THBS3: variants seen among roughly 807,000 people sequenced by gnomAD.
The protein encoded by THBS3 is thrombospondin 3.
THBS3 carries 78 observed loss-of-function variants against 118.3 expected under a neutral mutation model. The ratio of observed to expected loss-of-function variants is 0.66; its 90% CI spans 0.55 to 0.80. THBS3 has a LOEUF of 0.80. Ranked by LOEUF, THBS3 falls within the 30% of genes least tolerant of loss-of-function variation. The pLI, the probability that THBS3 is intolerant of heterozygous loss-of-function variation, is 0.00. For missense variants in THBS3, 1,057 were observed against 1,247.4 expected, an observed-to-expected ratio of 0.85 and a Z score of 2.30; for synonymous variants, 427 against 475.3, an observed-to-expected ratio of 0.90 and a Z score of 1.32.
rs779616472 is a variant in THBS3 at position 155,197,876 on chromosome 1, A to G, written c.2302+4T>C. The G allele has an allele frequency of 1.9e-6, 3 of 1,614,120 alleles. No homozygotes were observed. Among genetic ancestry groups the G allele is most frequent in the Non-Finnish European group, 8.5e-7 (1 of 1,180,020 alleles). On this transcript the variant is annotated splice_donor_region_variant and intron_variant, in intron 19 of 22. Coordinates refer to ENST00000368378, the MANE Select transcript of THBS3 (RefSeq NM_007112.5). The surrounding 1 kb of genome is among the most constrained non-coding windows in gnomAD (Gnocchi z 5.0). The stretch of plus-strand genomic sequence containing the variant: ...AGTGATTGAACTGCATATCCCTTAC[A>G]TACCAACTGCCAAGCCAGGGTCACT...
At chr1:155,196,855 GA>G in intron 21 of THBS3, 185 bp downstream of exon 21, 1 of 614,196 alleles carries the variant, frequency 1.6e-6, no homozygotes, top group Non-Finnish European at 2.8e-6. Flanking sequence ...TTACAGACGG[GA>G]AAATGGGTCA....
upstream of THBS3, among the ~76,000 whole-genome samples, chr1:155,208,358 A>T (rs530000619): frequency 6.6e-6 from 1 of 152,302 alleles, no homozygotes; most frequent in South Asian, 2.1e-4. Flanking sequence ...GTTCTGGCGG[A>T]GCAAGTGCTC....
In THBS3 at chr1:155,206,470, G is replaced by T; in HGVS notation, c.80-64C>A. ...CAAATGCTAAGGTATGCCCTCCCCC[G>T]AGCCCACATCACCCCCTACCCCCAC... On this transcript the variant is annotated intron_variant, in intron 1 of 22. Transcript: ENST00000368378. This position sits in a 1 kb window ranked among gnomAD's most constrained non-coding sequence, Gnocchi z 4.2. The T allele has an allele frequency of 7.0e-7, 1 of 1,431,904 alleles. No homozygotes were observed. Among genetic ancestry groups the T allele is most frequent in the Non-Finnish European group, 9.6e-7 (1 of 1,042,106 alleles). The allele number at this position is 1,431,904 out of a possible 1,614,324, so 88.7% of individuals were successfully genotyped here.
In THBS3 at chr1:155,200,002, G is replaced by A; in HGVS notation, c.1820C>T (p.Pro607Leu). The change falls in exon 15 of 23, where the codon CCT becomes CTT. Residue 607 changes from proline (P) to leucine (L), a missense_variant. Transcript: ENST00000368378. ...CTTACCATCTCCCTGTACCTGGGTA[G>A]GATTGCTCATTTCAGGGCAGCTGTC... ...ACDSCPEMSN[P>L]TQTDADSDLV... The A allele has an allele frequency of 6.3e-7, 1 of 1,599,646 alleles. No individual in the cohort carries two copies. Among genetic ancestry groups the A allele is most frequent in the Non-Finnish European group, 8.5e-7 (1 of 1,172,032 alleles).
At position 155,197,781 on chromosome 1, in the gene THBS3, G is replaced by C. The variant is rs1042076241; in HGVS notation, c.2302+99C>G. 1 of 1,592,878 alleles carries C rather than the reference G, an allele frequency of 6.3e-7. No individual in the cohort carries two copies. Among genetic ancestry groups the C allele is most frequent in the African/African-American group, 1.3e-5 (1 of 74,430 alleles). On this transcript the variant is annotated intron_variant, in intron 19 of 22. Coordinates refer to ENST00000368378, the MANE Select transcript of THBS3 (RefSeq NM_007112.5). This position sits in a 1 kb window ranked among gnomAD's most constrained non-coding sequence, Gnocchi z 5.0. Reference sequence around the variant, plus strand: ...AGCTTGTGCCACTGCCTTCTCTCTCGCCACTTTGCCCATTCTCCCTGTCTG... The same window carrying C: ...AGCTTGTGCCACTGCCTTCTCTCTCCCCACTTTGCCCATTCTCCCTGTCTG...
At chr1:155,203,400 C>T (rs1571911292) in intron 5 of THBS3, 95 bp from the exon 6 acceptor site, 1 of 1,585,148 alleles carries the variant, frequency 6.3e-7, no homozygotes, top group African/African-American at 1.3e-5. Flanking sequence ...GCTGCCCACC[C>T]CTGCCTTTAA....
At chr1:155,207,915 C>G, upstream of THBS3, 3 of 1,604,750 alleles carry the variant, frequency 1.9e-6, no homozygotes, top group Non-Finnish European at 2.6e-6. Flanking sequence ...AGGCAGGCAG[C>G]TGGGAGGGGA....
intron 21 of THBS3, 99 bp from the exon 22 acceptor site, chr1:155,196,225 G>A: frequency 1.4e-6 from 2 of 1,383,984 alleles, no homozygotes; most frequent in South Asian, 1.3e-5. Flanking sequence ...AGCCCCCCTT[G>A]AGCTCACCAG....
At chr1:155,198,665 TC>T in intron 16 of THBS3, 63 bp from the exon 17 acceptor site, 1 of 1,528,650 alleles carries the variant, frequency 6.5e-7, no homozygotes, top group Non-Finnish European at 8.9e-7. Flanking sequence ...TCCCTTCGCT[TC>T]TGCCTGGGAG....
At chr1:155,209,137 G>A (rs987304592), upstream of THBS3, 5 of 1,539,742 alleles carry the variant, frequency 3.2e-6, no homozygotes, top group African/African-American at 5.5e-5. Context: ...CCTCCCCGGG[G>A]ATCTCCCCAG....
At chr1:155,199,699 G>A in intron 16 of THBS3, 105 bp downstream of exon 16, 1 of 1,243,104 alleles carries the variant, frequency 8.0e-7, no homozygotes, top group East Asian at 2.3e-5. Flanking sequence ...AGGTTGCAGT[G>A]AGCCAAGATC....
At chr1:155,209,148 G>T, upstream of THBS3, 1 of 1,525,402 alleles carries the variant, frequency 6.6e-7, no homozygotes. Context: ...ATCTCCCCAG[G>T]CCCCCTGACC....
Position 155,197,397 on chromosome 1 carries a change from C to T in THBS3, c.2499+66G>A. 1 of 1,573,468 alleles carries T rather than the reference C, an allele frequency of 6.4e-7. No homozygotes were observed. Among genetic ancestry groups the T allele is most frequent in the Non-Finnish European group, 8.6e-7 (1 of 1,156,282 alleles). ...GTTCCCAGTCAAGCAGTGGGGGAGG[C>T]CCTGGGGCTGCAGAGGAGAGCTTTG... On this transcript the variant is annotated intron_variant, in intron 20 of 22. Coordinates refer to ENST00000368378, the MANE Select transcript of THBS3 (RefSeq NM_007112.5). This position sits in a 1 kb window ranked among gnomAD's most constrained non-coding sequence, Gnocchi z 5.0.
At position 155,200,880 on chromosome 1, in the gene THBS3, G is replaced by A. The variant is rs369798478; in HGVS notation, c.1548+17C>T. 5.0e-6 allele frequency: 8 copies of A among 1,613,892 alleles called. No homozygotes were observed. Among genetic ancestry groups the A allele is most frequent in the Non-Finnish European group, 6.8e-6 (8 of 1,180,008 alleles). The stretch of plus-strand genomic sequence containing the variant: ...AGGGGAGAGGAGCTTCAAGGGGCAG[G>A]GCAGTCTGGGAGTCACCTCAACATT... On this transcript the variant is annotated intron_variant, in intron 13 of 22. Transcript: ENST00000368378.
rs1198489317 is a variant in THBS3, at chr1:155,195,844, C to T, written c.2868G>A (p.Val956=). 2 of 1,613,998 alleles carry T rather than the reference C, an allele frequency of 1.2e-6. No individual in the cohort carries two copies. Among genetic ancestry groups the T allele is most frequent in the Admixed American group, 1.7e-5 (1 of 60,028 alleles). Reference sequence around the variant, plus strand: ...TCTGAATCTGGTGGCCTCCTCCTCACACCCTTCCCTGGAGCAGCTGCCTCC... The same window carrying T: ...TCTGAATCTGGTGGCCTCCTCCTCATACCCTTCCCTGGAGCAGCTGCCTCC... The part of the protein sequence containing the change: ...PFRRQLLQGR[V] The change falls in exon 23 of 23, where the codon GTG becomes GTA. Residue 956 remains valine, a synonymous_variant. Transcript: ENST00000368378.
upstream of THBS3, chr1:155,208,652 C>G (rs1405402039): frequency 4.9e-6 from 4 of 820,356 alleles, no homozygotes; most frequent in Non-Finnish European, 7.3e-6. Context: ...CCTGAGTTCC[C>G]GTCACCTAAG....
chr1:155,195,599 C>T lies in THBS3; in HGVS notation c.*242G>A, dbSNP rs1253740485. On this transcript the variant is annotated 3_prime_UTR_variant, in exon 23 of 23. Transcript: ENST00000368378. Reference sequence around the variant, plus strand: ...GCAGTTGCACTGGCTTAGAAAACAACCAAAACTTTATGGCAATGTGCTGTC... The same window carrying T: ...GCAGTTGCACTGGCTTAGAAAACAATCAAAACTTTATGGCAATGTGCTGTC... 4.2e-6 allele frequency: 2 copies of T among 474,206 alleles called. No homozygotes were observed. Among genetic ancestry groups the T allele is most frequent in the African/African-American group, 1.9e-5 (1 of 51,380 alleles). The allele number at this position is 474,206 out of a possible 1,614,324, so 29.4% of individuals were successfully genotyped here.
chr1:155,198,578 G>A lies in THBS3; in HGVS notation c.1905C>T (p.Thr635=), dbSNP rs140002028. 18 of 1,614,152 alleles carry A rather than the reference G, an allele frequency of 1.1e-5. No individual in the cohort carries two copies. In the African/African-American group the frequency reaches 2.4e-4, roughly 22 times the overall value. The change falls in exon 17 of 23, where the codon ACC becomes ACT. Residue 635 remains threonine, a synonymous_variant. Coordinates refer to ENST00000368378, the MANE Select transcript of THBS3 (RefSeq NM_007112.5). The stretch of plus-strand genomic sequence containing the variant: ...TTGGCAGCTGTGGGCAGTTGTCCTT[G>A]GTGTCCTGATGCCCATCCCCATCGC... ...EDSDGDGHQD[T]KDNCPQLPNS... is the part of the protein sequence containing the mutation.
At position 155,207,839 on chromosome 1, in the gene THBS3, A is replaced by G. The variant is rs1414327555; in HGVS notation, c.38T>C (p.Leu13Pro). 2 of 1,613,844 alleles carry G rather than the reference A, an allele frequency of 1.2e-6. No individual in the cohort carries two copies. The highest frequency in any genetic ancestry group is 8.5e-7 in the Non-Finnish European group (1 of 1,180,006). ...TQELRGALAL[L>P]LLCFFTSASQ... is the part of the protein sequence containing the mutation. ...GGCAGATGTGAAAAAGCAAAGGAGGAGAAGAGCCAGGGCCCCCCGAAGTTC... is the reference window on the plus strand; with the variant it reads ...GGCAGATGTGAAAAAGCAAAGGAGGGGAAGAGCCAGGGCCCCCCGAAGTTC... The change falls in exon 1 of 23, where the codon CTC becomes CCC. Residue 13 changes from leucine to proline, a missense_variant. By Grantham distance (98) the Leu-to-Pro change is moderately conservative (BLOSUM62 -3). Around this residue, in one of 3 missense-constraint regions of THBS3, gnomAD observed 206 missense variants for 205.7 expected, o/e 1.00. Transcript: ENST00000368378.
Sources: gnomAD v4.1 joint callset for allele counts (sites outside exome capture counted in the v4.1 genomes callset) on GRCh38, gnomAD v4.1.1 for gene constraint, gnomAD v4.1.1 regional missense constraint, Gnocchi (gnomAD v3.1) non-coding constraint, MANE v1.5 for transcripts, NCBI Gene and HGNC (gene_info 2026-07-23, HGNC 2026-07-21) for gene names.